The following SEC24D variants were observed in gnomAD, a reference collection of about 807,000 sequenced individuals.
SEC24D encodes protein transport protein Sec24D.
A neutral mutation model predicts 116.9 loss-of-function variants in SEC24D; 69 were observed. The observed-to-expected ratio is 0.59, with a 90% CI of 0.49 to 0.72. The LOEUF (loss-of-function observed/expected upper bound fraction) is 0.72. Ranked by LOEUF, SEC24D falls within the 30% of genes least tolerant of loss-of-function variation. SEC24D has a pLI of 0.00. For synonymous variants in SEC24D, 405 were observed against 442.8 expected, an observed-to-expected ratio of 0.91 and a Z score of 1.07; for missense variants, 1,131 against 1,264.1, an observed-to-expected ratio of 0.89 and a Z score of 1.60.
At chr4:118,754,083 G>A (rs1726963637) in intron 11 of SEC24D, 1 of 152,094 alleles carries the variant, frequency 6.6e-6, no homozygotes, top group South Asian at 2.1e-4. Flanking sequence ...TACTGACTCT[G>A]AACTGTGTTT....
At chr4:118,779,410 G>T (rs762820603) in intron 8 of SEC24D, among the ~76,000 whole-genome samples, 3 of 152,218 alleles carry the variant, frequency 2.0e-5, no homozygotes, top group Non-Finnish European at 4.4e-5. Context: ...TACATTTACT[G>T]ATTTGCATAT....
chr4:118,756,133 C>T (rs962248846), intron 11 of SEC24D, among the ~76,000 whole-genome samples: 1 of 151,986 alleles, frequency 6.6e-6, no homozygotes, highest in African/African-American at 2.4e-5. Flanking sequence ...AGAGAAAGAC[C>T]ATTTCCAGCA....
At chr4:118,835,438 C>A (rs1731053003) in intron 1 of SEC24D, among the ~76,000 whole-genome samples, 1 of 152,198 alleles carries the variant, frequency 6.6e-6, no homozygotes, top group South Asian at 2.1e-4. Flanking sequence ...CCCAGAACGG[C>A]CCCCTGGCTC....
intron 11 of SEC24D, among the ~76,000 whole-genome samples, chr4:118,755,410 T>G (rs1054795254): frequency 2.0e-5 from 3 of 151,590 alleles, no homozygotes; most frequent in African/African-American, 7.3e-5. Context: ...CCAGAAAATT[T>G]TAAGATCAAG....
intron 2 of SEC24D, chr4:118,825,440 C>T (rs2110536442): frequency 2.4e-6 from 1 of 412,658 alleles, no homozygotes; most frequent in South Asian, 1.8e-5. Flanking sequence ...CAAATAGAGA[C>T]CTTTAAAGAC....
At chr4:118,826,890 G>A (rs1730613015) in intron 2 of SEC24D, among the ~76,000 whole-genome samples, 1 of 152,102 alleles carries the variant, frequency 6.6e-6, no homozygotes, top group South Asian at 2.1e-4. Context: ...TACATTTAAG[G>A]TGCCTTTGAG....
chr4:118,818,636 T>C (rs1409033074), intron 3 of SEC24D, among the ~76,000 whole-genome samples: 2 of 152,222 alleles, frequency 1.3e-5, no homozygotes, highest in African/African-American at 4.8e-5. Context: ...AATGCTCTTT[T>C]CCACTCATAC....
At chr4:118,797,638 T>C in intron 8 of SEC24D, 45 bp downstream of exon 8, 1 of 1,436,810 alleles carries the variant, frequency 7.0e-7, no homozygotes, top group Admixed American at 2.1e-5. Flanking sequence ...AATGGTAATT[T>C]TGGAATTGAT....
intron 13 of SEC24D, among the ~76,000 whole-genome samples, chr4:118,751,368 G>A (rs894605302): frequency 1.4e-4 from 21 of 151,888 alleles, no homozygotes; most frequent in Admixed American, 3.3e-4. Context: ...AGTAGAGACG[G>A]GGTTTCTCCA....
At chr4:118,777,590 T>G (rs1213942117) in intron 8 of SEC24D, among the ~76,000 whole-genome samples, 1 of 152,236 alleles carries the variant, frequency 6.6e-6, no homozygotes, top group East Asian at 1.9e-4. Context: ...TGTGTCTTTA[T>G]AGCAGCATGA....
chr4:118,787,010 G>T lies in SEC24D; in HGVS notation c.1041+10673C>A, dbSNP rs906426699. 3.9e-5 allele frequency among the ~76,000 whole-genome samples: 6 copies of T among 152,264 alleles called. 1 individual carries two copies. The highest frequency in any genetic ancestry group is 1.4e-4 in the African/African-American group (6 of 41,564). ...TAGCTTCTAAAATGTAACTTAAAAAGAATTCAAATGATCTTTGCCCTGACA... is the reference window on the plus strand; with the variant it reads ...TAGCTTCTAAAATGTAACTTAAAAATAATTCAAATGATCTTTGCCCTGACA... On this transcript the variant is annotated intron_variant, in intron 8 of 22. Coordinates refer to ENST00000280551, the MANE Select transcript of SEC24D (RefSeq NM_014822.4).
intron 22 of SEC24D, among the ~76,000 whole-genome samples, chr4:118,726,593 A>C (rs1480006938): frequency 1.3e-5 from 2 of 152,154 alleles, no homozygotes; most frequent in African/African-American, 4.8e-5. Flanking sequence ...AGCTTCTATG[A>C]AGGTAGATTT....
chr4:118,734,933 C>G (rs72679022), intron 19 of SEC24D, among the ~76,000 whole-genome samples: 1,683 of 152,300 alleles, frequency 0.011, 18 homozygotes, highest in Non-Finnish European at 0.018. Context: ...GATGCTATTT[C>G]TGGTCTAGTT....
At chr4:118,831,943 C>T (rs1239999011) in intron 2 of SEC24D, among the ~76,000 whole-genome samples, 1 of 152,060 alleles carries the variant, frequency 6.6e-6, no homozygotes, top group Non-Finnish European at 1.5e-5. Flanking sequence ...TGGCTCACAC[C>T]TATAATTCCA....
chr4:118,820,044 G>T (rs1730329979), intron 3 of SEC24D, among the ~76,000 whole-genome samples: 1 of 151,968 alleles, frequency 6.6e-6, no homozygotes, highest in African/African-American at 2.4e-5. Context: ...AATAGATTTG[G>T]TTTTTAAAAG....
rs1726197660 is a variant in SEC24D, at chr4:118,740,963, A to G, written c.2070T>C (p.Ile690=). 3 of 1,601,068 alleles carry G rather than the reference A, an allele frequency of 1.9e-6. No homozygotes were observed. The highest frequency in any genetic ancestry group is 2.6e-6 in the Non-Finnish European group (3 of 1,172,206). The change falls in exon 16 of 23, where the codon ATT becomes ATC. Residue 690 remains isoleucine (I), a synonymous_variant. Transcript: ENST00000280551. ...TACCTGTGCTGGTACGAACCCTCAT[A>G]ATAGCATCAAAGCCTATTTTCTTTT... The part of the protein sequence containing the change: ...DIEKKIGFDA[I]MRVRTSTGFR...
At chr4:118,750,840 T>C (rs1487196983) in intron 13 of SEC24D, among the ~76,000 whole-genome samples, 1 of 152,042 alleles carries the variant, frequency 6.6e-6, no homozygotes, top group Non-Finnish European at 1.5e-5. Context: ...TTATGTTAAA[T>C]TGACATATAT....
intron 8 of SEC24D, among the ~76,000 whole-genome samples, chr4:118,789,854 G>A (rs918672177): frequency 6.6e-6 from 1 of 152,144 alleles, no homozygotes. Context: ...AAAGTGCTGG[G>A]ATTACAGGCA....
intron 7 of SEC24D, among the ~76,000 whole-genome samples, chr4:118,800,487 T>C (rs1167063671): frequency 6.6e-6 from 1 of 152,208 alleles, no homozygotes; most frequent in African/African-American, 2.4e-5. Flanking sequence ...TCCGGATTTT[T>C]ATATAATGTA....
Sources: allele counts gnomAD v4.1 joint callset (sites outside exome capture counted in the v4.1 genomes callset), GRCh38; gene constraint gnomAD v4.1.1; transcripts MANE v1.5; gene names NCBI Gene and HGNC (gene_info 2026-07-23, HGNC 2026-07-21).